Variants in IL1RAPL1 observed in about 807,000 individuals in gnomAD.
IL1RAPL1 encodes the protein interleukin-1 receptor accessory protein-like 1.
IL1RAPL1 carries 3 observed loss-of-function variants against 48.4 expected under a neutral mutation model. The observed-to-expected ratio is 0.06, with a 90% CI of 0.03 to 0.16. IL1RAPL1 has a LOEUF of 0.16. Ranked by LOEUF, IL1RAPL1 falls within the 10% of genes least tolerant of loss-of-function variation. The probability of loss-of-function intolerance (pLI) is 1.00; values close to 1 mark genes in which losing one functional copy is unlikely to be tolerated. For synonymous variants in IL1RAPL1, 185 were observed against 187.7 expected (o/e 0.99, Z 0.12); for missense variants, 349 against 530.6 (o/e 0.66, Z 3.36).
chrX:28,632,588 G>T (rs1157923876), intron 1 of IL1RAPL1, among the ~76,000 whole-genome samples: 1 of 110,777 alleles, frequency 9.0e-6, no homozygotes, highest in Non-Finnish European at 1.9e-5. Context: ...TGTTTATGTG[G>T]GTTATATCTA....
chrX:28,623,165 T>C (rs1934302475), intron 1 of IL1RAPL1, among the ~76,000 whole-genome samples: 1 of 110,780 alleles, frequency 9.0e-6, no homozygotes, highest in Non-Finnish European at 1.9e-5. Flanking sequence ...TATGCTAAAG[T>C]TATCCTCTGG....
At chrX:29,529,800 T>C (rs774613951) in intron 5 of IL1RAPL1, among the ~76,000 whole-genome samples, 2 of 110,815 alleles carry the variant, frequency 1.8e-5, no homozygotes, top group Non-Finnish European at 3.8e-5. Flanking sequence ...AAATACTATA[T>C]GTGATTGTGT....
intron 1 of IL1RAPL1, among the ~76,000 whole-genome samples, chrX:28,728,290 C>G (rs1935707152): frequency 9.0e-6 from 1 of 111,281 alleles, no homozygotes; most frequent in South Asian, 3.8e-4. Flanking sequence ...ATTACGTTTT[C>G]AACAGTTAAT....
chrX:29,398,626 C>A (rs1933948898), intron 4 of IL1RAPL1, among the ~76,000 whole-genome samples: 1 of 112,042 alleles, frequency 8.9e-6, no homozygotes, highest in Non-Finnish European at 1.9e-5. Flanking sequence ...AAATGCAAAA[C>A]TAAAATGTTT....
rs189545017 is a variant in IL1RAPL1 at position 29,407,849 on chromosome X, C to T, written c.703+8541C>T. On this transcript the variant is annotated intron_variant, in intron 5 of 10. Transcript: ENST00000378993. ...GAACATAAAAAGCCATTTTCTACTA[C>T]TTCTACACATTATGATTTCTTAAAG... Among the ~76,000 whole-genome samples, 884 of 112,370 alleles carry T rather than the reference C, an allele frequency of 7.9e-3. 9 individuals carry two copies. Among genetic ancestry groups the T allele is most frequent in the Admixed American group, 0.03 (320 of 10,581 alleles).
intron 2 of IL1RAPL1, among the ~76,000 whole-genome samples, chrX:28,863,930 AT>A (rs1238039989): frequency 8.9e-6 from 1 of 111,813 alleles, no homozygotes; most frequent in Non-Finnish European, 1.9e-5. Flanking sequence ...CTCCTGCCTT[AT>A]TTTTTGCATA....
At chrX:29,216,777 T>C (rs1210980238) in intron 2 of IL1RAPL1, among the ~76,000 whole-genome samples, 1 of 111,662 alleles carries the variant, frequency 9.0e-6, no homozygotes, top group Non-Finnish European at 1.9e-5. Context: ...AAGTAGACAA[T>C]GAGATTCAAT....
rs766217110 is a variant in IL1RAPL1 at position 29,624,775 on chromosome X, G to A, written c.704-43655G>A. 1.5e-3 allele frequency among the ~76,000 whole-genome samples: 171 copies of A among 111,365 alleles called. 2 individuals are homozygous for A. Among genetic ancestry groups the A allele is most frequent in the African/African-American group, 4.7e-3 (145 of 30,641 alleles). On this transcript the variant is annotated intron_variant, in intron 5 of 10. Coordinates refer to ENST00000378993, the MANE Select transcript of IL1RAPL1 (RefSeq NM_014271.4). Reference sequence around the variant, plus strand: ...GTAGGAGGATTGCTTGAGCCTGGGAGGTCAAGGTTGCAATGAGCCAAGATT... The same window carrying A: ...GTAGGAGGATTGCTTGAGCCTGGGAAGTCAAGGTTGCAATGAGCCAAGATT...
At chrX:29,006,163 A>C (rs1925972682) in intron 2 of IL1RAPL1, among the ~76,000 whole-genome samples, 1 of 110,505 alleles carries the variant, frequency 9.0e-6, no homozygotes, top group African/African-American at 3.3e-5. Flanking sequence ...AAAATTAATG[A>C]AAGGGGGAGA....
At chrX:28,782,270 C>A (rs1009360038) in intron 1 of IL1RAPL1, among the ~76,000 whole-genome samples, 65 of 111,321 alleles carry the variant, frequency 5.8e-4, no homozygotes, top group African/African-American at 2.1e-3. Flanking sequence ...TTTTTATGTT[C>A]TAAAAAACAC....
intron 3 of IL1RAPL1, among the ~76,000 whole-genome samples, chrX:29,297,974 T>G (rs1377321173): frequency 8.9e-6 from 1 of 112,094 alleles, no homozygotes; most frequent in African/African-American, 3.2e-5. Flanking sequence ...TATTCTTGAC[T>G]CTATAAGCCA....
intron 5 of IL1RAPL1, among the ~76,000 whole-genome samples, chrX:29,648,286 G>A (rs1005413890): frequency 3.6e-5 from 4 of 111,923 alleles, no homozygotes; most frequent in African/African-American, 1.3e-4. Flanking sequence ...TAGACCAAGT[G>A]GACCTAACAG....
chrX:29,902,115 T>A (rs952660679), intron 6 of IL1RAPL1, among the ~76,000 whole-genome samples: 2 of 110,932 alleles, frequency 1.8e-5, no homozygotes, highest in Non-Finnish European at 3.8e-5. Flanking sequence ...TTAGAGCAAA[T>A]CAATTTCCTG....
chrX:29,153,435 A>G (rs933417367), intron 2 of IL1RAPL1, among the ~76,000 whole-genome samples: 1 of 111,943 alleles, frequency 8.9e-6, no homozygotes, highest in African/African-American at 3.2e-5. Context: ...TCCTAATTTA[A>G]TAAGACAATC....
At chrX:29,727,542 ATGGGGTCATT>A (rs1927806048) in intron 6 of IL1RAPL1, among the ~76,000 whole-genome samples, 1 of 112,074 alleles carries the variant, frequency 8.9e-6, no homozygotes, top group Non-Finnish European at 1.9e-5. Flanking sequence ...TTGGGATGCC[ATGGGGTCATT>A]AAAATGTGAG....
intron 2 of IL1RAPL1, among the ~76,000 whole-genome samples, chrX:28,855,244 TC>T (rs1179332648): frequency 7.2e-5 from 8 of 111,272 alleles, no homozygotes; most frequent in African/African-American, 2.6e-4. Flanking sequence ...GGTCTCGAAC[TC>T]CTGACCTCAG....
chrX:29,139,564 A>G (rs995986292), intron 2 of IL1RAPL1, among the ~76,000 whole-genome samples: 5 of 111,063 alleles, frequency 4.5e-5, no homozygotes, highest in African/African-American at 1.6e-4. Flanking sequence ...CTTAGTAAAA[A>G]TACAATAATA....
chrX:29,715,602 T>G (rs1259794913), intron 6 of IL1RAPL1, among the ~76,000 whole-genome samples: 3 of 111,365 alleles, frequency 2.7e-5, no homozygotes, highest in Non-Finnish European at 5.7e-5. Context: ...GGATCAGAAT[T>G]AAAGGGTCAC....
chrX:29,449,938 ACAGT>A (rs1049922105), intron 5 of IL1RAPL1, among the ~76,000 whole-genome samples: 8 of 110,521 alleles, frequency 7.2e-5, no homozygotes, highest in African/African-American at 2.6e-4. Flanking sequence ...AAAAAAAAAA[ACAGT>A]CAGGAGAAGA....
Sources: gnomAD v4.1 joint callset for allele counts (sites outside exome capture counted in the v4.1 genomes callset) on GRCh38, gnomAD v4.1.1 for gene constraint, MANE v1.5 for transcripts, NCBI Gene and HGNC (gene_info 2026-07-23, HGNC 2026-07-21) for gene names.